FOXN3: variants seen among roughly 807,000 people sequenced by gnomAD.
FOXN3 encodes forkhead box protein N3.
Under a neutral mutation model 38.4 loss-of-function variants are expected in FOXN3, and 7 were observed. The observed-to-expected ratio is 0.18, with a 90% CI of 0.10 to 0.34. The LOEUF (loss-of-function observed/expected upper bound fraction) is 0.34. Ranked by LOEUF, FOXN3 falls within the 10% of genes least tolerant of loss-of-function variation. The pLI is 1.00. For missense variants in FOXN3, 456 were observed against 613.4 expected, an observed-to-expected ratio of 0.74 and a Z score of 2.71; for synonymous variants, 230 against 242.2, an observed-to-expected ratio of 0.95 and a Z score of 0.47.
At chr14:89,261,778 A>C (rs2139892713) in intron 4 of FOXN3, among the ~76,000 whole-genome samples, 1 of 152,198 alleles carries the variant, frequency 6.6e-6, no homozygotes. Context: ...AAATACAAAA[A>C]TTAGCTGGGC....
At chr14:89,169,929 A>G (rs1006213889) in intron 5 of FOXN3, among the ~76,000 whole-genome samples, 3 of 152,360 alleles carry the variant, frequency 2.0e-5, no homozygotes, top group Non-Finnish European at 2.9e-5. Context: ...TCTTCAGCTA[A>G]AAGGTACAGA....
chr14:89,229,014 AAT>A (rs1296347446), intron 4 of FOXN3, among the ~76,000 whole-genome samples: 1 of 152,158 alleles, frequency 6.6e-6, no homozygotes, highest in Non-Finnish European at 1.5e-5. Flanking sequence ...CAGATAAAAT[AAT>A]AGTCATGAGA....
chr14:89,433,942 G>A (rs1331969602), intron 1 of FOXN3, among the ~76,000 whole-genome samples: 1 of 73,096 alleles, frequency 1.4e-5, no homozygotes, highest in Admixed American at 1.4e-4. Flanking sequence ...TTTTTTTTTT[G>A]AGATGGAGTT....
At position 89,162,844 on chromosome 14, in the gene FOXN3, G is replaced by T. The variant is rs774484775; in HGVS notation, c.977C>A (p.Thr326Asn). ...GGAGATGGAGTCGCTGGTGGGCGAG[G>T]TGCTCCGGGCGTTGGAGGACTTGGC... is the stretch of plus-strand genomic sequence containing the variant. Reference protein sequence around the residue: ...SSAKSSNARSTSPTSDSISSS... With the variant: ...SSAKSSNARSNSPTSDSISSS... Residue 326 changes from threonine (T) to asparagine (N), a missense_variant, in exon 6 of 6, where the codon ACC (threonine) becomes AAC (asparagine). Physicochemically the swap from Thr to Asn is moderately conservative, Grantham distance 65. Transcript: ENST00000557258. This position sits in a 1 kb window ranked among gnomAD's most constrained non-coding sequence, Gnocchi z 7.2. 3.7e-6 allele frequency: 6 copies of T among 1,611,828 alleles called. No individual in the cohort carries two copies. The highest frequency in any genetic ancestry group is 4.2e-6 in the Non-Finnish European group (5 of 1,179,960).
intron 4 of FOXN3, among the ~76,000 whole-genome samples, chr14:89,224,417 T>C (rs912662225): frequency 1.3e-5 from 2 of 152,164 alleles, no homozygotes; most frequent in Non-Finnish European, 2.9e-5. Context: ...GAGGTGAGAA[T>C]TTAGATTTCA....
intron 4 of FOXN3, among the ~76,000 whole-genome samples, chr14:89,259,971 C>T (rs973760764): frequency 6.6e-6 from 1 of 152,236 alleles, no homozygotes; most frequent in Admixed American, 6.5e-5. Context: ...ACAGACAGAA[C>T]TTCTAAAATG....
At chr14:89,171,567 A>G (rs563596377) in intron 5 of FOXN3, among the ~76,000 whole-genome samples, 2 of 152,334 alleles carry the variant, frequency 1.3e-5, no homozygotes, top group East Asian at 3.9e-4. Context: ...AAGCAAGTAT[A>G]TTCAGAAATG....
At chr14:89,380,868 G>A (rs114070968) in intron 2 of FOXN3, among the ~76,000 whole-genome samples, 3,175 of 152,222 alleles carry the variant, frequency 0.021, 118 homozygotes, top group African/African-American at 0.071. Context: ...CAGGCCAGGC[G>A]TGGTGGCTCA....
intron 3 of FOXN3, among the ~76,000 whole-genome samples, chr14:89,333,968 A>G (rs10873397): frequency 0.32 from 237 of 736 alleles, 3 homozygotes; most frequent in Middle Eastern, 0.5. Context: ...TGTGGTGTGT[A>G]TATATATATA....
intron 1 of FOXN3, among the ~76,000 whole-genome samples, chr14:89,483,660 G>C (rs539012866): frequency 6.6e-6 from 1 of 152,092 alleles, no homozygotes; most frequent in South Asian, 2.1e-4. Flanking sequence ...CGCCTGCCTC[G>C]GCCTCCCAAA....
At chr14:89,404,504 CAAAAAA>C (rs71130075) in intron 2 of FOXN3, among the ~76,000 whole-genome samples, 2 of 61,032 alleles carry the variant, frequency 3.3e-5, no homozygotes, top group South Asian at 8.7e-4. Context: ...GACTCTGTCT[CAAAAAA>C]AAAAAAAAAA....
intron 4 of FOXN3, among the ~76,000 whole-genome samples, chr14:89,181,406 C>T (rs927622592): frequency 1.1e-4 from 17 of 152,172 alleles, no homozygotes; most frequent in Admixed American, 1.1e-3. Context: ...TATCCTTAAT[C>T]CAACAAGGGG....
rs115376591 is a variant in FOXN3 at position 89,527,051 on chromosome 14, G to A, written c.-15+91977C>T. ...GGACAGGAAAGGAGGATAGGGAGGG[G>A]AGGAGAGGAGGAGGAAGGGGAAGGG... On this transcript the variant is annotated intron_variant, in intron 1 of 6. Transcript: ENST00000345097. Among the ~76,000 whole-genome samples, 417 of 151,426 alleles carry A rather than the reference G, an allele frequency of 2.8e-3. 6 individuals carry two copies. The highest frequency in any genetic ancestry group is 9.7e-3 in the African/African-American group (401 of 41,252).
intron 1 of FOXN3, among the ~76,000 whole-genome samples, chr14:89,488,080 G>A (rs372281853): frequency 1.5e-4 from 23 of 150,874 alleles, no homozygotes; most frequent in African/African-American, 5.6e-4. Flanking sequence ...TAAGAGCTAG[G>A]GGCTCTTCTT....
chr14:89,345,340 A>G (rs552642550), intron 3 of FOXN3, among the ~76,000 whole-genome samples: 6 of 151,638 alleles, frequency 4.0e-5, no homozygotes, highest in Admixed American at 3.3e-4. Flanking sequence ...ATGAGTCTGC[A>G]TTTTGGAGAC....
At chr14:89,292,631 T>C (rs975043116) in intron 3 of FOXN3, among the ~76,000 whole-genome samples, 6 of 152,158 alleles carry the variant, frequency 3.9e-5, no homozygotes, top group Non-Finnish European at 8.8e-5. Flanking sequence ...ACAGTGCTCC[T>C]CTCCTCTGGA....
chr14:89,461,912 A>T (rs962255565), intron 1 of FOXN3, among the ~76,000 whole-genome samples: 9 of 152,204 alleles, frequency 5.9e-5, no homozygotes, highest in Admixed American at 5.9e-4. Context: ...TCCTATCAGG[A>T]GCAGGACTGG....
intron 4 of FOXN3, among the ~76,000 whole-genome samples, chr14:89,193,619 A>T (rs554185054): frequency 6.6e-6 from 1 of 152,310 alleles, no homozygotes; most frequent in South Asian, 2.1e-4. Context: ...CTGAACGGAA[A>T]TACCGCAATC....
intron 4 of FOXN3, among the ~76,000 whole-genome samples, chr14:89,234,416 G>C (rs1181562823): frequency 6.6e-6 from 1 of 152,074 alleles, no homozygotes. Context: ...CTCTGCTGTT[G>C]TACGGTTTGA....
Sources: gnomAD v4.1 joint callset for allele counts (sites outside exome capture counted in the v4.1 genomes callset) on GRCh38, gnomAD v4.1.1 for gene constraint, Gnocchi (gnomAD v3.1) non-coding constraint, MANE v1.5 for transcripts, NCBI Gene and HGNC (gene_info 2026-07-23, HGNC 2026-07-21) for gene names.